EEIG2: variants seen among roughly 807,000 people sequenced by gnomAD.
The protein encoded by EEIG2 is EEIG family member 2.
the EEIG2 span, among the ~76,000 whole-genome samples, chr1:108,610,355 G>A: frequency 6.6e-6 from 1 of 152,192 alleles, no homozygotes; most frequent in African/African-American, 2.4e-5. Context: ...GGGCACAGAT[G>A]CAGGTAGGTG....
At chr1:108,618,120 G>C in the EEIG2 span, among the ~76,000 whole-genome samples, 1 of 152,132 alleles carries the variant, frequency 6.6e-6, no homozygotes, top group East Asian at 1.9e-4. Context: ...TTTTAAGATG[G>C]AAGATGATAT....
the EEIG2 span, chr1:108,626,368 A>G: frequency 1.3e-5 from 2 of 152,160 alleles, no homozygotes; most frequent in Admixed American, 6.6e-5. Flanking sequence ...TTATTTCTGT[A>G]TCCCCAGCAG....
the EEIG2 span, chr1:108,627,967 C>A: frequency 1.9e-6 from 1 of 525,940 alleles, no homozygotes; most frequent in Non-Finnish European, 3.4e-6. Context: ...AATTCTTCAG[C>A]GAACTAAGGT....
chr1:108,589,953 G>A, the EEIG2 span, among the ~76,000 whole-genome samples: 1 of 151,778 alleles, frequency 6.6e-6, no homozygotes, highest in Non-Finnish European at 1.5e-5. Context: ...ATCATGTGCA[G>A]CCTGTCATTT....
At chr1:108,638,413 CT>C in the EEIG2 span, 1 of 152,228 alleles carries the variant, frequency 6.6e-6, no homozygotes, top group African/African-American at 2.4e-5. Flanking sequence ...TAATTTTAGA[CT>C]TTCAGATTTC....
chr1:108,573,960 T>C, the EEIG2 span, among the ~76,000 whole-genome samples: 2 of 152,204 alleles, frequency 1.3e-5, no homozygotes, highest in African/African-American at 2.4e-5. Context: ...GGGCAGCCCC[T>C]ATGGAAAACA....
At chr1:108,588,233 G>C in the EEIG2 span, among the ~76,000 whole-genome samples, 1 of 152,060 alleles carries the variant, frequency 6.6e-6, no homozygotes, top group Non-Finnish European at 1.5e-5. Context: ...ACCCAGATGT[G>C]GAATTGCTGG....
chr1:108,621,739 G>C, the EEIG2 span, among the ~76,000 whole-genome samples: 1 of 152,172 alleles, frequency 6.6e-6, no homozygotes, highest in African/African-American at 2.4e-5. Context: ...GCATGAGTCA[G>C]CCATCAGTGA....
chr1:108,631,499 C>T, the EEIG2 span, among the ~76,000 whole-genome samples: 2 of 152,052 alleles, frequency 1.3e-5, no homozygotes, highest in Admixed American at 6.5e-5. Flanking sequence ...TTTGAGAGAA[C>T]AGAAACAGGA....
chr1:108,611,689 A>G, the EEIG2 span, among the ~76,000 whole-genome samples: 1 of 152,374 alleles, frequency 6.6e-6, no homozygotes, highest in East Asian at 1.9e-4. Flanking sequence ...TGAAAACTTA[A>G]TAACCTGCAA....
the EEIG2 span, among the ~76,000 whole-genome samples, chr1:108,579,632 T>A: frequency 6.6e-6 from 1 of 151,538 alleles, no homozygotes; most frequent in African/African-American, 2.4e-5. Context: ...ATCAACAGAA[T>A]ATACATTTTT....
chr1:108,572,800 G>T, the EEIG2 span, among the ~76,000 whole-genome samples: 1 of 152,102 alleles, frequency 6.6e-6, no homozygotes, highest in East Asian at 1.9e-4. Context: ...TGTATCTTTA[G>T]TACAGATGGG....
the EEIG2 span, among the ~76,000 whole-genome samples, chr1:108,601,212 A>C: frequency 6.6e-6 from 1 of 151,996 alleles, no homozygotes; most frequent in Non-Finnish European, 1.5e-5. Flanking sequence ...GAAGCAAATT[A>C]CCAATAATCT....
chr1:108,571,588 A>G, the EEIG2 span, among the ~76,000 whole-genome samples: 1 of 152,214 alleles, frequency 6.6e-6, no homozygotes. Context: ...TACAGATTAC[A>G]GGGATGAAAG....
the EEIG2 span, among the ~76,000 whole-genome samples, chr1:108,587,141 A>G: frequency 6.6e-6 from 1 of 152,102 alleles, no homozygotes; most frequent in East Asian, 1.9e-4. Context: ...TGTAGAATCC[A>G]TAGTTCATAT....
the EEIG2 span, among the ~76,000 whole-genome samples, chr1:108,608,039 T>C: frequency 6.6e-6 from 1 of 152,234 alleles, no homozygotes; most frequent in Non-Finnish European, 1.5e-5. Context: ...GTGTCTGGCA[T>C]GTAAGACACA....
chr1:108,638,049 A>C, the EEIG2 span: 1 of 152,612 alleles, frequency 6.6e-6, no homozygotes, highest in African/African-American at 2.4e-5. Flanking sequence ...TAATATCCAA[A>C]TTCCAGATTT....
chr1:108,626,413 A>C, the EEIG2 span: 5 of 152,152 alleles, frequency 3.3e-5, no homozygotes, highest in African/African-American at 9.7e-5. Context: ...TGACTGTTGA[A>C]TAGGCATCCT....
At chr1:108,595,929 G>A in the EEIG2 span, among the ~76,000 whole-genome samples, 3 of 152,268 alleles carry the variant, frequency 2.0e-5, no homozygotes, top group Admixed American at 6.5e-5. Flanking sequence ...CAGGAAAGAC[G>A]TATTTGCAGA....
Sources: gnomAD v4.1 joint callset for allele counts (sites outside exome capture counted in the v4.1 genomes callset) on GRCh38, gnomAD v4.1.1 for gene constraint, MANE v1.5 for transcripts, NCBI Gene and HGNC (gene_info 2026-07-23, HGNC 2026-07-21) for gene names.